The following POLR2F variants were observed in gnomAD, a reference collection of about 807,000 sequenced individuals.
POLR2F encodes DNA-directed RNA polymerases I, II, and III subunit RPABC2.
Under a neutral mutation model 22.7 loss-of-function variants are expected in POLR2F, and 12 were observed. The observed-to-expected ratio is 0.53, with a 90% CI of 0.34 to 0.86. The LOEUF (loss-of-function observed/expected upper bound fraction) is 0.86, where lower values mean the gene tolerates loss of function less well. Among genes scored for constraint, POLR2F ranks in the 40% least tolerant of loss-of-function variants. The pLI is 0.02. For missense variants in POLR2F, 126 were observed against 171.5 expected (o/e 0.73, Z 1.48); for synonymous variants, 57 against 66.0 (o/e 0.86, Z 0.66).
chr22:37,990,251 C>T (rs1003498444), intron 1 of POLR2F, among the ~76,000 whole-genome samples: 2 of 152,186 alleles, frequency 1.3e-5, no homozygotes, highest in Non-Finnish European at 2.9e-5. Context: ...GGGGCTCTTG[C>T]CCCTCCCTGT....
intron 1 of POLR2F, among the ~76,000 whole-genome samples, chr22:38,018,893 G>A (rs2084936957): frequency 6.6e-6 from 1 of 152,210 alleles, no homozygotes; most frequent in African/African-American, 2.4e-5. Context: ...GGAAGAGATT[G>A]GCCTCTGGAG....
In POLR2F at chr22:37,980,025, C is replaced by T. The variant is rs866616309; in HGVS notation, c.293+12855C>T. On this transcript the variant is annotated intron_variant, in intron 4 of 4. Coordinates refer to the POLR2F transcript ENST00000405557. This position sits in a 1 kb window ranked among gnomAD's most constrained non-coding sequence, Gnocchi z 4.1. ...CCTAGCCGGCAGCAGCATTCCTCTG[C>T]GGCTTAGCCTCCCTGTCTACTCCCC... 1.3e-5 allele frequency among the ~76,000 whole-genome samples: 2 copies of T among 152,142 alleles called. No homozygotes were observed. Among genetic ancestry groups the T allele is most frequent in the African/African-American group, 4.8e-5 (2 of 41,408 alleles).
intron 1 of POLR2F, among the ~76,000 whole-genome samples, chr22:38,018,311 ACAGAGT>A (rs1424498545): frequency 1.3e-5 from 2 of 152,194 alleles, no homozygotes; most frequent in Non-Finnish European, 2.9e-5. Context: ...CAGTTTATAG[ACAGAGT>A]CAGAGATAGG....
At chr22:37,983,737 G>T (rs1342383657), upstream of POLR2F, 1 of 1,482,784 alleles carries the variant, frequency 6.7e-7, no homozygotes, top group Admixed American at 2.4e-5. This position sits in a 1 kb window ranked among gnomAD's most constrained non-coding sequence, Gnocchi z 9.5. Flanking sequence ...GCTCCTCCGA[G>T]CCCACGGGGC....
intron 1 of POLR2F, among the ~76,000 whole-genome samples, chr22:38,012,297 G>A (rs760445859): frequency 6.6e-6 from 1 of 152,110 alleles, no homozygotes; most frequent in Non-Finnish European, 1.5e-5. Context: ...GGCCAGGCTG[G>A]TCTCGAACTC....
chr22:37,993,328 CTG>C (rs1569174943), intron 1 of POLR2F, among the ~76,000 whole-genome samples: 1 of 152,140 alleles, frequency 6.6e-6, no homozygotes, highest in Non-Finnish European at 1.5e-5. Flanking sequence ...TCATTTTCCT[CTG>C]TGATCCAGGC....
intron 1 of POLR2F, among the ~76,000 whole-genome samples, chr22:37,992,943 C>A (rs1932752816): frequency 1.3e-5 from 2 of 152,190 alleles, no homozygotes; most frequent in African/African-American, 4.8e-5. Flanking sequence ...CAAGCTCCTG[C>A]TGTCTGTGGG....
chr22:38,027,851 A>C (rs1274735400), downstream of POLR2F, among the ~76,000 whole-genome samples: 5 of 152,044 alleles, frequency 3.3e-5, no homozygotes, highest in Non-Finnish European at 1.5e-5. Context: ...AGCAGCTGCC[A>C]ATGTTTATTG....
At chr22:38,032,932 T>C (rs1279869767) in intron 5 of POLR2F, 1 of 167,120 alleles carries the variant, frequency 6.0e-6, no homozygotes. Flanking sequence ...TGGAATCCCT[T>C]ACTGCCGTCC....
downstream of POLR2F, among the ~76,000 whole-genome samples, chr22:38,029,523 G>A (rs1160693276): frequency 3.9e-5 from 6 of 152,210 alleles, no homozygotes; most frequent in African/African-American, 1.4e-4. Flanking sequence ...GGTAATGGAG[G>A]ACTTCTAACT....
At chr22:38,030,174 G>T (rs1569184788), downstream of POLR2F, among the ~76,000 whole-genome samples, 1 of 152,200 alleles carries the variant, frequency 6.6e-6, no homozygotes, top group Non-Finnish European at 1.5e-5. Context: ...TTGGTGGCAA[G>T]TGGGAGATAT....
At chr22:37,987,236 C>A (rs1485483962) in intron 1 of POLR2F, 3 of 456,596 alleles carry the variant, frequency 6.6e-6, no homozygotes, top group South Asian at 4.6e-5. Context: ...CCCAAGGAGG[C>A]CTTTCCGGAG....
At chr22:37,962,640 G>C (rs1192242878) in intron 3 of POLR2F, among the ~76,000 whole-genome samples, 1 of 152,150 alleles carries the variant, frequency 6.6e-6, no homozygotes, top group Admixed American at 6.5e-5. Context: ...AATAAAATTA[G>C]AAATTCAGTT....
At position 37,974,357 on chromosome 22, in the gene POLR2F, G is replaced by T. The variant is rs374134070; in HGVS notation, c.293+7187G>T. ...GGCAGCATGAGTCGGGTTTTTTTTT[G>T]TTTTTTTTTTTTGAGATGGAGTTTC... On this transcript the variant is annotated intron_variant, in intron 4 of 4. Coordinates refer to the POLR2F transcript ENST00000405557. This position sits in a 1 kb window ranked among gnomAD's most constrained non-coding sequence, Gnocchi z 5.4. 0.039 allele frequency among the ~76,000 whole-genome samples: 5,529 copies of T among 141,592 alleles called. 352 individuals are homozygous for T. The highest frequency in any genetic ancestry group is 0.14 in the African/African-American group (5,220 of 38,252). The allele number at this position is 141,592 out of a possible 152,430, so 92.9% of individuals were successfully genotyped here. A position where few individuals can be genotyped will look rare whatever the true frequency, so the allele number is the denominator to read the frequency against.
chr22:37,957,455 C>T (rs559805976), intron 2 of POLR2F, among the ~76,000 whole-genome samples: 47 of 152,108 alleles, frequency 3.1e-4, no homozygotes, highest in African/African-American at 1.1e-3. Context: ...GTGACGAGGA[C>T]GACTCTCAGG....
At chr22:38,013,423 GGCGTGA>G (rs1168703305) in intron 1 of POLR2F, among the ~76,000 whole-genome samples, 1 of 152,232 alleles carries the variant, frequency 6.6e-6, no homozygotes, top group Admixed American at 6.5e-5. Context: ...TGGGATCACA[GGCGTGA>G]GCCACTACGC....
intron 1 of POLR2F, among the ~76,000 whole-genome samples, chr22:38,010,405 A>G (rs531148916): frequency 6.6e-6 from 1 of 151,606 alleles, no homozygotes; most frequent in South Asian, 2.1e-4. Flanking sequence ...AAGAGAGGAG[A>G]GAGAGAGAGA....
In POLR2F at chr22:37,986,898, G is replaced by T. The variant is rs1932597776; in HGVS notation, c.120+586G>T. Reference sequence around the variant, plus strand: ...ATTCCTGAAGAGCAGGGAGCTTGGAGAGGGGAGGGATCCTGGCTGAAGACA... The same window carrying T: ...ATTCCTGAAGAGCAGGGAGCTTGGATAGGGGAGGGATCCTGGCTGAAGACA... On this transcript the variant is annotated intron_variant, in intron 1 of 2. Transcript: ENST00000333418. This position sits in a 1 kb window ranked among gnomAD's most constrained non-coding sequence, Gnocchi z 4.7. 1 of 451,410 alleles carries T rather than the reference G, an allele frequency of 2.2e-6. No individual in the cohort carries two copies. Among genetic ancestry groups the T allele is most frequent in the Admixed American group, 2.4e-5 (1 of 42,366 alleles). The allele number at this position is 451,410 out of a possible 1,614,324, so 28.0% of individuals were successfully genotyped here.
At chr22:37,983,498 C>T (rs2145777154), upstream of POLR2F, 5 of 1,611,262 alleles carry the variant, frequency 3.1e-6, no homozygotes, top group South Asian at 1.1e-5. This position sits in a 1 kb window ranked among gnomAD's most constrained non-coding sequence, Gnocchi z 9.5. Flanking sequence ...TTTGCTGGCG[C>T]CGTTGACGCG....
Sources: allele counts gnomAD v4.1 joint callset (sites outside exome capture counted in the v4.1 genomes callset), GRCh38; gene constraint gnomAD v4.1.1; non-coding constraint Gnocchi (gnomAD v3.1); transcripts MANE v1.5; gene names NCBI Gene and HGNC (gene_info 2026-07-23, HGNC 2026-07-21).